The following MBTPS1 variants were observed in gnomAD, a reference collection of about 807,000 sequenced individuals.
MBTPS1 encodes membrane bound transcription factor peptidase, site 1.
In MBTPS1, 94 loss-of-function variants were observed where a neutral mutation model predicts 127.8. That is an observed-to-expected ratio of 0.74 (90% CI 0.62 to 0.87). The LOEUF is 0.87. Among genes scored for constraint, MBTPS1 ranks in the 40% least tolerant of loss-of-function variants. The pLI, the probability that MBTPS1 is intolerant of heterozygous loss-of-function variation, is 0.00. For missense variants in MBTPS1, 1,636 were observed against 1,353.2 expected, an observed-to-expected ratio of 1.21 and a Z score of -3.28; for synonymous variants, 632 against 509.4, an observed-to-expected ratio of 1.24 and a Z score of -3.24.
intron 10 of MBTPS1, among the ~76,000 whole-genome samples, 191 bp downstream of exon 10, chr16:84,084,792 T>C (rs2085995717): frequency 6.6e-6 from 1 of 152,248 alleles, no homozygotes; most frequent in Admixed American, 6.5e-5. Flanking sequence ...CACATTCACT[T>C]CATCTAACTA....
At position 84,063,449 on chromosome 16, in the gene MBTPS1, A is replaced by C. The variant is rs1453789385; in HGVS notation, c.2432-4T>G. On this transcript the variant is annotated splice_polypyrimidine_tract_variant and splice_region_variant and intron_variant, in intron 18 of 22. Transcript: ENST00000343411. ...TCCTGCTTTAAAACCTCCAATCCTGAAACAACACAACAAAAAACAACAGCC... is the reference window on the plus strand; with the variant it reads ...TCCTGCTTTAAAACCTCCAATCCTGCAACAACACAACAAAAAACAACAGCC... 1.2e-6 allele frequency: 2 copies of C among 1,612,200 alleles called. No individual in the cohort carries two copies. The highest frequency in any genetic ancestry group is 1.7e-6 in the Non-Finnish European group (2 of 1,178,494).
At chr16:84,058,524 A>G (rs900718929) in intron 21 of MBTPS1, among the ~76,000 whole-genome samples, 3 of 152,212 alleles carry the variant, frequency 2.0e-5, no homozygotes, top group African/African-American at 4.8e-5. Flanking sequence ...CAGCTCTGAC[A>G]GCTGTCCCTG....
At chr16:84,076,642 T>C (rs1239768241) in intron 11 of MBTPS1, among the ~76,000 whole-genome samples, 1 of 152,078 alleles carries the variant, frequency 6.6e-6, no homozygotes, top group Non-Finnish European at 1.5e-5. Flanking sequence ...TTAGAGAATA[T>C]ACAAGAAGAG....
chr16:84,069,579 C>A (rs543980153), intron 14 of MBTPS1, among the ~76,000 whole-genome samples: 1 of 152,212 alleles, frequency 6.6e-6, no homozygotes, highest in African/African-American at 2.4e-5. Context: ...ATGGAAGGAT[C>A]CAGGATGCAG....
Position 84,093,763 on chromosome 16 carries a change from G to A in MBTPS1, c.684C>T (p.Phe228=). The A allele has an allele frequency of 6.2e-7, 1 of 1,614,018 alleles. No individual in the cohort carries two copies. The highest frequency in any genetic ancestry group is 8.5e-7 in the Non-Finnish European group (1 of 1,179,998). Residue 228 remains phenylalanine (F), a synonymous_variant, in exon 5 of 23, where the codon TTC becomes TTT. Transcript: ENST00000343411. ...AGTTGGTTCTCTCCTTCACATTTTT[G>A]AAGTGGGGATGCTTCTCGCTCAGCC... ...DTGLSEKHPH[F]KNVKERTNWT... is the part of the protein sequence containing the mutation.
intron 18 of MBTPS1, among the ~76,000 whole-genome samples, chr16:84,065,123 T>G (rs1201695483): frequency 3.3e-5 from 5 of 149,794 alleles, no homozygotes; most frequent in Non-Finnish European, 7.4e-5. Flanking sequence ...TGAAGGTAGT[T>G]TTTTTTTTTT....
At chr16:84,062,229 T>C (rs2085623649) in intron 19 of MBTPS1, among the ~76,000 whole-genome samples, 1 of 152,158 alleles carries the variant, frequency 6.6e-6, no homozygotes, top group Non-Finnish European at 1.5e-5. Context: ...CAAGCAACTC[T>C]CCCACCTCAG....
chr16:84,107,473 G>C (rs1394222317), intron 1 of MBTPS1, among the ~76,000 whole-genome samples: 1 of 152,158 alleles, frequency 6.6e-6, no homozygotes. Flanking sequence ...TAAAAGGTGA[G>C]CTAAAATCCA....
At position 84,069,798 on chromosome 16, in the gene MBTPS1, C is replaced by T. The variant is rs538198654; in HGVS notation, c.1955+68G>A. 2.7e-5 allele frequency: 38 copies of T among 1,388,080 alleles called. No homozygotes were observed. In the South Asian group the frequency reaches 3.4e-4, roughly 12 times the overall value. 86.0% of individuals were successfully genotyped at this position (1,388,080 alleles called of 1,614,324 possible). On this transcript the variant is annotated intron_variant, in intron 14 of 22. Transcript: ENST00000343411. ...CTGAGCAACATCTTTCCAAGAGTTG[C>T]GGGAACAGTGGTGCCTCCTCCCACC...
chr16:84,112,758 C>T (rs1262603089), intron 1 of MBTPS1, among the ~76,000 whole-genome samples: 2 of 151,462 alleles, frequency 1.3e-5, no homozygotes, highest in Non-Finnish European at 2.9e-5. Context: ...GCAGATCACC[C>T]GAGGTCAGGA....
chr16:84,094,934 C>T (rs901294967), intron 4 of MBTPS1, among the ~76,000 whole-genome samples: 6 of 152,134 alleles, frequency 3.9e-5, no homozygotes, highest in African/African-American at 1.2e-4. Flanking sequence ...ACTGCGCTGT[C>T]CTGGGAGCAG....
chr16:84,068,072 G>A (rs71404145), intron 15 of MBTPS1, among the ~76,000 whole-genome samples: 30,407 of 152,152 alleles, frequency 0.2, 3,173 homozygotes, highest in Non-Finnish European at 0.23. Context: ...TTGAGAAGGA[G>A]CAAAATATAT....
chr16:84,093,604 A>G (rs1240026343), intron 5 of MBTPS1, 107 bp downstream of exon 5: 9 of 836,024 alleles, frequency 1.1e-5, no homozygotes, highest in Non-Finnish European at 1.8e-5. Context: ...AAAGCACAAT[A>G]ACACCTTGGG....
chr16:84,060,954 C>T lies in MBTPS1; in HGVS notation c.2573-141G>A, dbSNP rs914793113. 8 of 725,956 alleles carry T rather than the reference C, an allele frequency of 1.1e-5. No individual in the cohort carries two copies. The Admixed American group carries it at 1.7e-4, about 16-fold the overall frequency. The allele number at this position is 725,956 out of a possible 1,614,324, so 45.0% of individuals were successfully genotyped here. On this transcript the variant is annotated intron_variant, in intron 19 of 22. Transcript: ENST00000343411. ...GCTCAAGTGATCCTCCTGCCTCAGC[C>T]TCCCAAGTAGCTGAGACTGAAGGCA... is the stretch of plus-strand genomic sequence containing the variant.
At chr16:84,067,511 C>G (rs1390250962) in intron 16 of MBTPS1, among the ~76,000 whole-genome samples, 156 bp downstream of exon 16, 1 of 152,178 alleles carries the variant, frequency 6.6e-6, no homozygotes, top group Non-Finnish European at 1.5e-5. Flanking sequence ...AGCAACCGCA[C>G]TCAGTCGAAA....
chr16:84,087,004 A>G (rs2086037898), intron 9 of MBTPS1, among the ~76,000 whole-genome samples: 2 of 152,134 alleles, frequency 1.3e-5, no homozygotes, highest in South Asian at 4.1e-4. Context: ...CTCACCTACC[A>G]CTGAGGAGGA....
At chr16:84,102,938 A>G (rs2086277239) in intron 1 of MBTPS1, among the ~76,000 whole-genome samples, 1 of 152,250 alleles carries the variant, frequency 6.6e-6, no homozygotes, top group Non-Finnish European at 1.5e-5. Flanking sequence ...TAAATGTGTT[A>G]TAAAACCAGA....
chr16:84,078,380 C>T (rs2085891779), intron 11 of MBTPS1, among the ~76,000 whole-genome samples: 1 of 67,560 alleles, frequency 1.5e-5, no homozygotes. Context: ...ATGCTCTCAA[C>T]CCAGACCAGC....
intron 21 of MBTPS1, among the ~76,000 whole-genome samples, chr16:84,058,664 C>G (rs2151139778): frequency 1.3e-5 from 2 of 152,296 alleles, no homozygotes; most frequent in South Asian, 4.1e-4. Context: ...CGAGCTGGTC[C>G]TAGCCACAGA....
Sources: allele counts gnomAD v4.1 joint callset (sites outside exome capture counted in the v4.1 genomes callset), GRCh38; gene constraint gnomAD v4.1.1; transcripts MANE v1.5; gene names NCBI Gene and HGNC (gene_info 2026-07-23, HGNC 2026-07-21).